SLC35D4: variants seen among roughly 807,000 people sequenced by gnomAD.
The protein encoded by SLC35D4 is solute carrier family 35 member D4, also known as UDP-N-acetylglucosamine transporter SLC35D4.
the SLC35D4 span, among the ~76,000 whole-genome samples, chr18:23,287,049 A>AT: frequency 6.6e-6 from 1 of 151,232 alleles, no homozygotes; most frequent in South Asian, 2.1e-4. Context: ...CCAATATCCC[A>AT]TCCCACAGCA....
At chr18:23,352,647 A>C in the SLC35D4 span, among the ~76,000 whole-genome samples, 2 of 152,200 alleles carry the variant, frequency 1.3e-5, no homozygotes, top group Admixed American at 6.5e-5. Context: ...AATTTTTTTC[A>C]AGCAAGATAA....
the SLC35D4 span, among the ~76,000 whole-genome samples, chr18:23,271,716 A>G: frequency 1.3e-5 from 2 of 152,194 alleles, no homozygotes; most frequent in African/African-American, 4.8e-5. Context: ...TGGAACTTCC[A>G]GCCCCATCTC....
the SLC35D4 span, among the ~76,000 whole-genome samples, chr18:23,419,151 C>A: frequency 6.6e-6 from 1 of 152,170 alleles, no homozygotes; most frequent in Non-Finnish European, 1.5e-5. Flanking sequence ...GCTTAGTTTT[C>A]TTTTCACTTT....
chr18:23,374,058 C>T, the SLC35D4 span, among the ~76,000 whole-genome samples: 1 of 152,156 alleles, frequency 6.6e-6, no homozygotes, highest in Non-Finnish European at 1.5e-5. Context: ...AAATAGTGTG[C>T]CTGTGAAACA....
At chr18:23,368,263 G>A in the SLC35D4 span, among the ~76,000 whole-genome samples, 1 of 152,192 alleles carries the variant, frequency 6.6e-6, no homozygotes, top group Non-Finnish European at 1.5e-5. Flanking sequence ...ACACATGTGT[G>A]TGGACACCTG....
chr18:23,286,820 A>T, the SLC35D4 span, among the ~76,000 whole-genome samples: 4 of 152,188 alleles, frequency 2.6e-5, no homozygotes, highest in South Asian at 2.1e-4. Flanking sequence ...TATTAGGCCG[A>T]GACACTTTAA....
At chr18:23,390,443 A>G in the SLC35D4 span, among the ~76,000 whole-genome samples, 2 of 152,266 alleles carry the variant, frequency 1.3e-5, no homozygotes, top group Non-Finnish European at 2.9e-5. Flanking sequence ...AGGAAAATGC[A>G]TTAAATTACT....
At chr18:23,410,918 C>A in the SLC35D4 span, among the ~76,000 whole-genome samples, 1 of 152,184 alleles carries the variant, frequency 6.6e-6, no homozygotes, top group Non-Finnish European at 1.5e-5. Flanking sequence ...GAGGCCTGAA[C>A]ATTAGGAACA....
At chr18:23,363,030 C>T in the SLC35D4 span, among the ~76,000 whole-genome samples, 1 of 152,002 alleles carries the variant, frequency 6.6e-6, no homozygotes. Context: ...CACTTGAGGT[C>T]AGGAAGGAGT....
the SLC35D4 span, among the ~76,000 whole-genome samples, chr18:23,274,386 G>T: frequency 6.6e-6 from 1 of 152,172 alleles, no homozygotes; most frequent in Non-Finnish European, 1.5e-5. Context: ...ATTATAAAGA[G>T]GTAGATAATT....
At chr18:23,324,940 A>G in the SLC35D4 span, among the ~76,000 whole-genome samples, 1 of 152,202 alleles carries the variant, frequency 6.6e-6, no homozygotes, top group Non-Finnish European at 1.5e-5. Context: ...CCCATGGAGA[A>G]TCCTATTCAT....
the SLC35D4 span, among the ~76,000 whole-genome samples, chr18:23,411,479 G>GAT: frequency 1.4e-5 from 1 of 72,778 alleles, no homozygotes; most frequent in Non-Finnish European, 2.9e-5. Context: ...AAGAAAGAAA[G>GAT]AGATAGAAAG....
the SLC35D4 span, among the ~76,000 whole-genome samples, chr18:23,378,324 A>G: frequency 6.6e-6 from 1 of 152,108 alleles, no homozygotes; most frequent in East Asian, 1.9e-4. Flanking sequence ...GGCGTGAGCC[A>G]CTGCACCCAA....
the SLC35D4 span, among the ~76,000 whole-genome samples, chr18:23,306,384 G>A: frequency 1.3e-5 from 2 of 151,924 alleles, no homozygotes; most frequent in Non-Finnish European, 2.9e-5. Context: ...TCGGCTCACT[G>A]CAACCTCCAC....
the SLC35D4 span, among the ~76,000 whole-genome samples, chr18:23,343,635 G>T: frequency 6.6e-6 from 1 of 152,120 alleles, no homozygotes; most frequent in Non-Finnish European, 1.5e-5. Context: ...TGTCACAGGG[G>T]TTTGATGTAC....
At chr18:23,421,548 T>C in the SLC35D4 span, 1 of 935,654 alleles carries the variant, frequency 1.1e-6, no homozygotes, top group Non-Finnish European at 1.7e-6. Flanking sequence ...CAAGTTCAAC[T>C]CTATTTACTA....
the SLC35D4 span, among the ~76,000 whole-genome samples, chr18:23,314,506 A>C: frequency 6.6e-6 from 1 of 152,172 alleles, no homozygotes; most frequent in African/African-American, 2.4e-5. Context: ...ATGAGATAAT[A>C]TTCACCAAAG....
chr18:23,410,427 G>A, the SLC35D4 span, among the ~76,000 whole-genome samples: 14 of 150,658 alleles, frequency 9.3e-5, no homozygotes, highest in Admixed American at 2.0e-4. Flanking sequence ...GCAGTGAGCC[G>A]AGATCACGCT....
chr18:23,371,480 A>G, the SLC35D4 span: 1 of 1,590,092 alleles, frequency 6.3e-7, no homozygotes, highest in Non-Finnish European at 8.5e-7. Context: ...ACTGAAACAC[A>G]AAATTAAAAA....
Sources: allele counts gnomAD v4.1 joint callset (sites outside exome capture counted in the v4.1 genomes callset), GRCh38; gene constraint gnomAD v4.1.1; transcripts MANE v1.5; gene names NCBI Gene and HGNC (gene_info 2026-07-23, HGNC 2026-07-21).